IPO11: variants seen among roughly 807,000 people sequenced by gnomAD.
IPO11 encodes importin 11.
In IPO11, 66 loss-of-function variants were observed where a neutral mutation model predicts 143.2. The ratio of observed to expected loss-of-function variants is 0.46; its 90% CI spans 0.38 to 0.57. IPO11 has a LOEUF of 0.57. Among genes scored for constraint, IPO11 ranks in the 20% least tolerant of loss-of-function variants. The pLI is 0.00. For synonymous variants in IPO11, 385 were observed against 377.8 expected, an observed-to-expected ratio of 1.02 and a Z score of -0.22; for missense variants, 1,026 against 1,141.0, an observed-to-expected ratio of 0.90 and a Z score of 1.45.
At chr5:62,600,051 G>A (rs6893243) in intron 28 of IPO11, among the ~76,000 whole-genome samples, 1 of 151,882 alleles carries the variant, frequency 6.6e-6, no homozygotes, top group South Asian at 2.1e-4. Flanking sequence ...TTTTTTGGGG[G>A]TGGGGGAGAC....
At chr5:62,624,087 T>A (rs1027731103) in intron 29 of IPO11, among the ~76,000 whole-genome samples, 1 of 151,922 alleles carries the variant, frequency 6.6e-6, no homozygotes, top group East Asian at 1.9e-4. Context: ...CAGGCTGGAG[T>A]GCAATGGCAT....
chr5:62,577,463 C>G (rs953646657), intron 27 of IPO11, among the ~76,000 whole-genome samples: 3 of 151,938 alleles, frequency 2.0e-5, no homozygotes, highest in African/African-American at 7.2e-5. Context: ...TTCAAAGGAC[C>G]CTTTCTCTGA....
chr5:62,415,406 A>G (rs1327380791), intron 1 of IPO11, among the ~76,000 whole-genome samples: 1 of 132,894 alleles, frequency 7.5e-6, no homozygotes, highest in African/African-American at 2.9e-5. Context: ...CCTGAACTCC[A>G]CCCACCTTGG....
intron 5 of IPO11, among the ~76,000 whole-genome samples, chr5:62,454,840 A>G (rs247230): frequency 0.04 from 6,085 of 152,296 alleles, 148 homozygotes; most frequent in Non-Finnish European, 0.06. Flanking sequence ...AATGAACAAT[A>G]GAACAGGAGA....
At chr5:62,477,768 A>G (rs1464269681) in intron 9 of IPO11, among the ~76,000 whole-genome samples, 3 of 152,218 alleles carry the variant, frequency 2.0e-5, no homozygotes, top group African/African-American at 4.8e-5. Flanking sequence ...TAGAAAACAC[A>G]TTTATTTAGC....
chr5:62,416,698 C>G (rs1261176635), intron 1 of IPO11, among the ~76,000 whole-genome samples: 1 of 150,260 alleles, frequency 6.7e-6, no homozygotes, highest in African/African-American at 2.4e-5. Context: ...TTTAAGCATA[C>G]CCAAGTCTCT....
At chr5:62,596,809 C>T (rs1378276969) in intron 28 of IPO11, among the ~76,000 whole-genome samples, 2 of 152,120 alleles carry the variant, frequency 1.3e-5, no homozygotes, top group Admixed American at 6.6e-5. Flanking sequence ...GAGTTTCTTA[C>T]AGGATCAAGT....
chr5:62,568,370 T>C (rs1298492731), intron 27 of IPO11, among the ~76,000 whole-genome samples: 1 of 151,574 alleles, frequency 6.6e-6, no homozygotes, highest in African/African-American at 2.4e-5. Flanking sequence ...TTGTCCATTG[T>C]AGTTTTCAAC....
chr5:62,459,000 A>G (rs1745264279), intron 5 of IPO11, among the ~76,000 whole-genome samples: 1 of 152,130 alleles, frequency 6.6e-6, no homozygotes, highest in Non-Finnish European at 1.5e-5. Flanking sequence ...TCTGACAAAT[A>G]TTTGGATTCT....
intron 28 of IPO11, among the ~76,000 whole-genome samples, chr5:62,599,859 A>G (rs150789572): frequency 6.6e-6 from 1 of 152,314 alleles, no homozygotes; most frequent in Non-Finnish European, 1.5e-5. Flanking sequence ...GTGATTGTCT[A>G]TCTTTAATCT....
intron 24 of IPO11, among the ~76,000 whole-genome samples, chr5:62,546,926 G>A (rs1158561822): frequency 6.6e-6 from 1 of 152,098 alleles, no homozygotes; most frequent in Non-Finnish European, 1.5e-5. Flanking sequence ...AAGAGGAGGA[G>A]AGGGTGAAAC....
At chr5:62,416,074 C>G (rs566961142) in intron 1 of IPO11, among the ~76,000 whole-genome samples, 1 of 152,172 alleles carries the variant, frequency 6.6e-6, no homozygotes, top group East Asian at 1.9e-4. Flanking sequence ...CCTGTAAGAC[C>G]TCCATCCTTG....
At chr5:62,548,173 TG>T (rs1743271884) in intron 24 of IPO11, among the ~76,000 whole-genome samples, 1 of 152,156 alleles carries the variant, frequency 6.6e-6, no homozygotes, top group Non-Finnish European at 1.5e-5. Flanking sequence ...AGCTGAGACA[TG>T]TAGTCAGCTG....
chr5:62,563,202 A>G (rs1349514352), intron 27 of IPO11, among the ~76,000 whole-genome samples: 1 of 152,232 alleles, frequency 6.6e-6, no homozygotes, highest in Non-Finnish European at 1.5e-5. Flanking sequence ...CTCATTGGGA[A>G]AAAAGTGACT....
At chr5:62,567,752 C>T (rs762455123) in intron 27 of IPO11, among the ~76,000 whole-genome samples, 11 of 151,070 alleles carry the variant, frequency 7.3e-5, no homozygotes, top group South Asian at 2.1e-4. Context: ...AGTAGAGACA[C>T]GGTTTAGCCA....
chr5:62,574,380 T>A (rs1211925735), intron 27 of IPO11, among the ~76,000 whole-genome samples: 1 of 152,138 alleles, frequency 6.6e-6, no homozygotes, highest in African/African-American at 2.4e-5. Flanking sequence ...GAAATTGTAA[T>A]ATAAGCATAA....
intron 27 of IPO11, among the ~76,000 whole-genome samples, chr5:62,574,355 GACTATGGTAA>G (rs1481071137): frequency 6.6e-6 from 1 of 152,114 alleles, no homozygotes; most frequent in African/African-American, 2.4e-5. Context: ...GGATTTTAGG[GACTATGGTAA>G]ACTGGAAATT....
chr5:62,518,980 T>C (rs1742120403), intron 20 of IPO11, among the ~76,000 whole-genome samples: 1 of 152,230 alleles, frequency 6.6e-6, no homozygotes, highest in Non-Finnish European at 1.5e-5. Flanking sequence ...AATTGCCCTT[T>C]TAGCAATTAA....
At chr5:62,488,322 T>C (rs906332881) in intron 13 of IPO11, among the ~76,000 whole-genome samples, 1 of 152,252 alleles carries the variant, frequency 6.6e-6, no homozygotes, top group South Asian at 2.1e-4. Flanking sequence ...CATTGATTTA[T>C]GATTTCTGTC....
Sources: allele counts gnomAD v4.1 joint callset (sites outside exome capture counted in the v4.1 genomes callset), GRCh38; gene constraint gnomAD v4.1.1; transcripts MANE v1.5; gene names NCBI Gene and HGNC (gene_info 2026-07-23, HGNC 2026-07-21).